The following TLE2 variants were observed in gnomAD, a reference collection of about 807,000 sequenced individuals.
TLE2 encodes TLE family member 2, transcriptional corepressor.
TLE2 carries 74 observed loss-of-function variants against 97.2 expected under a neutral mutation model. The ratio of observed to expected loss-of-function variants is 0.76; its 90% CI spans 0.63 to 0.92. The LOEUF (loss-of-function observed/expected upper bound fraction) is 0.92. TLE2 is among the 40% of genes least tolerant of loss of function. TLE2 has a pLI of 0.00. For missense variants in TLE2, 1,038 were observed against 1,008.7 expected, an observed-to-expected ratio of 1.03 and a Z score of -0.39; for synonymous variants, 499 against 432.1, an observed-to-expected ratio of 1.15 and a Z score of -1.92.
chr19:3,019,266 C>T lies in TLE2; in HGVS notation c.550+17G>A, dbSNP rs377030289. 41 of 1,566,480 alleles carry T rather than the reference C, an allele frequency of 2.6e-5. No individual in the cohort carries two copies. Among genetic ancestry groups the T allele is most frequent in the Non-Finnish European group, 3.4e-5 (40 of 1,164,516 alleles). On this transcript the variant is annotated intron_variant, in intron 7 of 19. Transcript: ENST00000262953. This position sits in a 1 kb window ranked among gnomAD's most constrained non-coding sequence, Gnocchi z 5.1. ...CCCCGTCTCCCCAGCCAATGCCACC[C>T]CGTGCTGCCCACTCACCTCTGGACC...
chr19:2,997,972 G>C lies in TLE2; in HGVS notation c.2125-17C>G, dbSNP rs201001610. 2 of 1,583,476 alleles carry C rather than the reference G, an allele frequency of 1.3e-6. No homozygotes were observed. Among genetic ancestry groups the C allele is most frequent in the South Asian group, 2.3e-5 (2 of 88,610 alleles). On this transcript the variant is annotated splice_polypyrimidine_tract_variant and intron_variant, in intron 19 of 19. Coordinates refer to ENST00000262953, the MANE Select transcript of TLE2 (RefSeq NM_003260.5). The stretch of plus-strand genomic sequence containing the variant: ...CTCCTTGGACTGCCAAGGGAAGGGA[G>C]AGAGAAAAGGGCACAGTGAGGCATG...
intron 7 of TLE2, among the ~76,000 whole-genome samples, chr19:3,018,099 G>C (rs1330492925): frequency 6.6e-6 from 1 of 152,034 alleles, no homozygotes; most frequent in East Asian, 1.9e-4. Context: ...TGGGGGTGAT[G>C]TTGAACCCCA....
At chr19:3,000,125 G>A (rs1383976907) in intron 19 of TLE2, among the ~76,000 whole-genome samples, 3 of 151,348 alleles carry the variant, frequency 2.0e-5, no homozygotes, top group Non-Finnish European at 4.4e-5. Flanking sequence ...AGGCTGGAGT[G>A]CAGTGGTGCG....
intron 1 of TLE2, among the ~76,000 whole-genome samples, chr19:3,036,135 G>C (rs1296914140): frequency 2.0e-5 from 3 of 152,190 alleles, no homozygotes; most frequent in Admixed American, 2.0e-4. Flanking sequence ...AACGGTCTCA[G>C]TTTTACCCCC....
chr19:3,001,601 T>A (rs983113265), intron 18 of TLE2, among the ~76,000 whole-genome samples: 25 of 151,962 alleles, frequency 1.6e-4, no homozygotes, highest in Admixed American at 1.2e-3. Context: ...TCCTCCTGCC[T>A]CAGCCTCCCT....
intron 1 of TLE2, among the ~76,000 whole-genome samples, chr19:3,035,614 C>T (rs1346872924): frequency 2.0e-5 from 3 of 152,160 alleles, no homozygotes; most frequent in African/African-American, 4.8e-5. Flanking sequence ...GCCTGGCCGC[C>T]CCAGCTACTG....
At chr19:3,004,179 A>G (rs1411092870) in intron 17 of TLE2, among the ~76,000 whole-genome samples, 1 of 152,186 alleles carries the variant, frequency 6.6e-6, no homozygotes, top group Non-Finnish European at 1.5e-5. Flanking sequence ...TCTCCTGGCC[A>G]TACAGAAGTG....
chr19:3,024,016 G>A lies in TLE2; in HGVS notation c.294+1004C>T, dbSNP rs1044858157. Among the ~76,000 whole-genome samples, 3 of 130,548 alleles carry A rather than the reference G, an allele frequency of 2.3e-5. No homozygotes were observed. In the Admixed American group the frequency reaches 2.4e-4, roughly 10 times the overall value. The allele number at this position is 130,548 out of a possible 152,430, so 85.6% of individuals were successfully genotyped here. Reference sequence around the variant, plus strand: ...TAACTTTTTTTTTTTTTTTTTTTGAGATGGAGTCTAACTCTCTCACCCAGG... The same window carrying A: ...TAACTTTTTTTTTTTTTTTTTTTGAAATGGAGTCTAACTCTCTCACCCAGG... On this transcript the variant is annotated intron_variant, in intron 5 of 19. Transcript: ENST00000262953.
intron 19 of TLE2, among the ~76,000 whole-genome samples, chr19:3,000,143 C>T (rs535406626): frequency 6.6e-6 from 1 of 151,624 alleles, no homozygotes; most frequent in Non-Finnish European, 1.5e-5. Context: ...GCGATCTCAG[C>T]TCACTGCAAG....
chr19:3,005,994 C>A, intron 15 of TLE2, 26 bp from the exon 16 acceptor site: 1 of 1,606,986 alleles, frequency 6.2e-7, no homozygotes, highest in Non-Finnish European at 8.5e-7. Flanking sequence ...GAAGCAGGGG[C>A]TGGGGGTTGG....
chr19:3,021,421 A>T, intron 5 of TLE2, among the ~76,000 whole-genome samples: 1 of 152,056 alleles, frequency 6.6e-6, no homozygotes, highest in East Asian at 1.9e-4. Flanking sequence ...AAAGAAAGAA[A>T]GAAAATGTTG....
In TLE2 at chr19:3,021,124, G is replaced by C. The variant is rs1006469254; in HGVS notation, c.295-1351C>G. Reference sequence around the variant, plus strand: ...AAAAAAAAAAAAAAAAGGGGGGGGGGTGCTGAGCGTGGTGACTCACACCTG... The same window carrying C: ...AAAAAAAAAAAAAAAAGGGGGGGGGCTGCTGAGCGTGGTGACTCACACCTG... On this transcript the variant is annotated intron_variant, in intron 5 of 19. Transcript: ENST00000262953. 1.2e-4 allele frequency among the ~76,000 whole-genome samples: 15 copies of C among 121,898 alleles called. 3 individuals carry two copies. The highest frequency in any genetic ancestry group is 2.5e-4 in the African/African-American group (8 of 32,470). 80.0% of individuals were successfully genotyped at this position (121,898 alleles called of 152,430 possible).
rs1271690271 is a variant in TLE2 at position 3,028,410 on chromosome 19, TC to T, written c.123-29del. Reference sequence around the variant, plus strand: ...GAGAAGAAGAGAGAGGGCAAGGGGCTCCCACCCGCCCCATGTGGGCCGGCTT... The same window carrying T: ...GAGAAGAAGAGAGAGGGCAAGGGGCTCCACCCGCCCCATGTGGGCCGGCTT... On this transcript the variant is annotated intron_variant, in intron 2 of 19. Coordinates refer to ENST00000262953, the MANE Select transcript of TLE2 (RefSeq NM_003260.5). The T allele has an allele frequency of 1.9e-6, 3 of 1,577,080 alleles. No individual in the cohort carries two copies. The South Asian group carries it at 3.5e-5, about 18-fold the overall frequency.
At chr19:3,029,564 G>GGGGGGGA (rs1900429175), upstream of TLE2, 1 of 801,454 alleles carries the variant, frequency 1.2e-6, no homozygotes, top group African/African-American at 1.9e-5. Context: ...GGAGCGGGGG[G>GGGGGGGA]GGGGGCTTGC....
chr19:3,005,356 G>A, intron 17 of TLE2, 81 bp downstream of exon 17: 2 of 1,537,080 alleles, frequency 1.3e-6, no homozygotes, highest in Non-Finnish European at 1.8e-6. Flanking sequence ...CCTGCCTCTG[G>A]AAGTGGGCAC....
intron 1 of TLE2, among the ~76,000 whole-genome samples, chr19:3,044,854 A>G (rs891476514): frequency 5.9e-5 from 9 of 152,366 alleles, no homozygotes; most frequent in African/African-American, 2.2e-4. Context: ...ATTAGAGTGG[A>G]GAAAAGCAGT....
At chr19:3,046,919 C>T (rs536986678), upstream of TLE2, among the ~76,000 whole-genome samples, 4 of 129,242 alleles carry the variant, frequency 3.1e-5, no homozygotes, top group Non-Finnish European at 5.1e-5. Context: ...CCCTCTCCTC[C>T]TCCCCCTCCT....
intron 9 of TLE2, among the ~76,000 whole-genome samples, chr19:3,015,041 TAAATA>T (rs2089672868): frequency 1.5e-5 from 1 of 65,112 alleles, no homozygotes; most frequent in South Asian, 4.6e-4. Context: ...AATAAATAAA[TAAATA>T]AAATTCATTG....
chr19:3,030,051 C>T (rs2090010501), upstream of TLE2, among the ~76,000 whole-genome samples: 1 of 152,220 alleles, frequency 6.6e-6, no homozygotes, highest in South Asian at 2.1e-4. Context: ...AAGCCTCTCT[C>T]TTCGGCCTTC....
Sources: allele counts gnomAD v4.1 joint callset (sites outside exome capture counted in the v4.1 genomes callset), GRCh38; gene constraint gnomAD v4.1.1; non-coding constraint Gnocchi (gnomAD v3.1); transcripts MANE v1.5; gene names NCBI Gene and HGNC (gene_info 2026-07-23, HGNC 2026-07-21).